Variants in ANXA10 observed in about 807,000 individuals in gnomAD.
The protein encoded by ANXA10 is annexin A10.
Under a neutral mutation model 53.5 loss-of-function variants are expected in ANXA10, and 49 were observed. The observed-to-expected ratio is 0.92, with a 90% confidence interval of 0.73 to 1.16. The LOEUF is 1.16. ANXA10 is among the 50% of genes most tolerant of loss of function. The probability of loss-of-function intolerance (pLI) is 0.00; values close to 1 mark genes in which losing one functional copy is unlikely to be tolerated. For synonymous variants in ANXA10, 131 were observed against 128.9 expected (o/e 1.02, Z -0.11); for missense variants, 393 against 394.4 (o/e 1.00, Z 0.03).
intron 3 of ANXA10, among the ~76,000 whole-genome samples, chr4:168,151,667 T>G (rs1731499895): frequency 6.6e-6 from 1 of 152,232 alleles, no homozygotes; most frequent in African/African-American, 2.4e-5. Context: ...AATTTAATAC[T>G]CTAATTAGAG....
intron 11 of ANXA10, 67 bp downstream of exon 11, chr4:168,184,748 C>G: frequency 3.8e-6 from 6 of 1,584,170 alleles, no homozygotes; most frequent in Non-Finnish European, 3.4e-6. Context: ...GATAAAAGTT[C>G]TCATTCAAAT....
At chr4:168,132,919 GT>G (rs1161395553) in intron 2 of ANXA10, among the ~76,000 whole-genome samples, 1 of 151,644 alleles carries the variant, frequency 6.6e-6, no homozygotes, top group Non-Finnish European at 1.5e-5. Context: ...CACTAAAATT[GT>G]TTTATAACCC....
intron 3 of ANXA10, among the ~76,000 whole-genome samples, chr4:168,159,530 C>T (rs1462724812): frequency 2.0e-5 from 3 of 152,076 alleles, no homozygotes; most frequent in East Asian, 1.9e-4. Flanking sequence ...TAGAGATAGG[C>T]GGGAGCATTA....
Position 168,165,307 on chromosome 4 carries a change from C to T in ANXA10, c.461C>T (p.Thr154Ile). 1 of 1,581,876 alleles carries T rather than the reference C, an allele frequency of 6.3e-7. No individual in the cohort carries two copies. Among genetic ancestry groups the T allele is most frequent in the African/African-American group, 1.4e-5 (1 of 73,766 alleles). Residue 154 changes from threonine to isoleucine, a missense_variant, in exon 6 of 12, where the codon ACT (threonine) becomes ATT (isoleucine). Physicochemically the swap from Thr to Ile is moderately conservative, Grantham distance 89. Transcript: ENST00000359299. ...YSETSGHFRD[T>I]LMNLVQGTRE... ...GAGACCTCAGGACACTTCAGAGATA[C>T]TCTCATGAACTTGGTCCAGGTATGG...
intron 3 of ANXA10, among the ~76,000 whole-genome samples, chr4:168,158,841 C>T (rs2149476624): frequency 6.6e-6 from 1 of 152,268 alleles, no homozygotes; most frequent in East Asian, 1.9e-4. Flanking sequence ...AATGTGATCT[C>T]CAGTGCTGGA....
intron 1 of ANXA10, among the ~76,000 whole-genome samples, chr4:168,115,532 C>G (rs944848303): frequency 2.0e-5 from 3 of 150,206 alleles, no homozygotes; most frequent in Admixed American, 2.0e-4. Context: ...CACACACACA[C>G]ACACACTCCC....
chr4:168,177,613 T>C (rs1372980521), intron 6 of ANXA10, 127 bp from the exon 7 acceptor site: 2 of 842,290 alleles, frequency 2.4e-6, no homozygotes, highest in Non-Finnish European at 3.9e-6. Flanking sequence ...AATGAACACT[T>C]ACTCCAGATA....
intron 3 of ANXA10, among the ~76,000 whole-genome samples, chr4:168,148,032 A>C (rs558986239): frequency 1.3e-5 from 2 of 152,296 alleles, no homozygotes; most frequent in African/African-American, 2.4e-5. Flanking sequence ...AAAGTCCTCC[A>C]TCAGGTGCAA....
intron 3 of ANXA10, among the ~76,000 whole-genome samples, chr4:168,139,801 A>C (rs1731298260): frequency 6.6e-6 from 1 of 152,242 alleles, no homozygotes; most frequent in South Asian, 2.1e-4. Flanking sequence ...CACAGTGACC[A>C]GTGACCACAA....
chr4:168,121,700 T>G (rs562629338), intron 1 of ANXA10, among the ~76,000 whole-genome samples: 1 of 152,194 alleles, frequency 6.6e-6, no homozygotes, highest in Admixed American at 6.5e-5. Flanking sequence ...CGTGTTTTCA[T>G]GTGTTATAGT....
At position 168,184,490 on chromosome 4, in the gene ANXA10, G is replaced by A. The variant is rs1732324621; in HGVS notation, c.784-69G>A. ...GAAAATGACTACAGAAAAGGGGTGT[G>A]TCCACTTGGGACAGACTGACTTTTA... On this transcript the variant is annotated intron_variant, in intron 10 of 11. Coordinates refer to ENST00000359299, the MANE Select transcript of ANXA10 (RefSeq NM_007193.5). 1.1e-5 allele frequency: 17 copies of A among 1,565,544 alleles called. No homozygotes were observed. The South Asian group carries it at 1.6e-4, about 15-fold the overall frequency.
chr4:168,181,628 G>A (rs765980344), intron 9 of ANXA10, 55 bp from the exon 10 acceptor site: 1 of 1,395,310 alleles, frequency 7.2e-7, no homozygotes, highest in South Asian at 1.2e-5. Flanking sequence ...AAATTCTGAC[G>A]AAAATATATG....
intron 6 of ANXA10, among the ~76,000 whole-genome samples, chr4:168,170,427 G>T (rs1731961867): frequency 6.6e-6 from 1 of 152,174 alleles, no homozygotes; most frequent in African/African-American, 2.4e-5. Context: ...CCTGTATACT[G>T]CAGACAGGAC....
At chr4:168,153,448 C>CA (rs1731538010) in intron 3 of ANXA10, among the ~76,000 whole-genome samples, 5 of 38,428 alleles carry the variant, frequency 1.3e-4, no homozygotes, top group African/African-American at 3.7e-4. Flanking sequence ...AAAACAAAAA[C>CA]AAAAACAAAA....
intron 1 of ANXA10, among the ~76,000 whole-genome samples, chr4:168,108,482 G>T (rs1053156145): frequency 2.6e-5 from 4 of 152,096 alleles, no homozygotes; most frequent in Non-Finnish European, 5.9e-5. Flanking sequence ...AGGTTTTTAG[G>T]ATATTTCTCA....
intron 1 of ANXA10, among the ~76,000 whole-genome samples, chr4:168,107,807 G>A (rs1031890869): frequency 1.3e-5 from 2 of 152,026 alleles, no homozygotes; most frequent in East Asian, 3.9e-4. Flanking sequence ...CCATTCTCAT[G>A]ACCTCATCTA....
At position 168,092,665 on chromosome 4, in the gene ANXA10, A is replaced by G. The variant is rs1192438817; in HGVS notation, c.-36A>G. The G allele has an allele frequency of 6.3e-7, 1 of 1,580,336 alleles. No individual in the cohort carries two copies. The highest frequency in any genetic ancestry group is 1.8e-5 in the Admixed American group (1 of 55,150). On this transcript the variant is annotated 5_prime_UTR_variant, in exon 1 of 12. Coordinates refer to ENST00000359299, the MANE Select transcript of ANXA10 (RefSeq NM_007193.5). ...GAAACAAGTTTATGCAATCGATCAA[A>G]TATTTTCATCCCTGAGGTTAACAAT...
intron 1 of ANXA10, among the ~76,000 whole-genome samples, chr4:168,095,404 T>C (rs1730525594): frequency 6.6e-6 from 1 of 152,024 alleles, no homozygotes; most frequent in Non-Finnish European, 1.5e-5. Context: ...ACTTCTATAA[T>C]ATTTATTGAC....
intron 3 of ANXA10, among the ~76,000 whole-genome samples, chr4:168,153,854 CT>C (rs1433838549): frequency 6.6e-6 from 1 of 152,178 alleles, no homozygotes; most frequent in Non-Finnish European, 1.5e-5. Flanking sequence ...GGATTCAAGC[CT>C]AAAAACCCTA....
Sources: gnomAD v4.1 joint callset for allele counts (sites outside exome capture counted in the v4.1 genomes callset) on GRCh38, gnomAD v4.1.1 for gene constraint, MANE v1.5 for transcripts, NCBI Gene and HGNC (gene_info 2026-07-23, HGNC 2026-07-21) for gene names.